PAPPA2: variants seen among roughly 807,000 people sequenced by gnomAD.
PAPPA2 encodes the protein pappalysin-2.
In PAPPA2, 86 loss-of-function variants were observed where a neutral mutation model predicts 176.4. That is an observed-to-expected ratio of 0.49 (90% CI 0.41 to 0.58). The LOEUF (loss-of-function observed/expected upper bound fraction) is 0.58, where lower values mean the gene tolerates loss of function less well. PAPPA2 is among the 20% of genes least tolerant of loss of function. The probability of loss-of-function intolerance (pLI) is 0.00; values close to 1 mark genes in which losing one functional copy is unlikely to be tolerated. For synonymous variants in PAPPA2, 809 were observed against 852.2 expected, an observed-to-expected ratio of 0.95 and a Z score of 0.88; for missense variants, 2,073 against 2,256.9, an observed-to-expected ratio of 0.92 and a Z score of 1.65.
At chr1:176,810,633 C>G (rs1666109147) in intron 21 of PAPPA2, among the ~76,000 whole-genome samples, 1 of 152,146 alleles carries the variant, frequency 6.6e-6, no homozygotes, top group South Asian at 2.1e-4. Context: ...AGGCAGCAGA[C>G]CAGACTGGGG....
At position 176,750,768 on chromosome 1, in the gene PAPPA2, C is replaced by T. The variant is rs185891407; in HGVS notation, c.4151+10572C>T. Reference sequence around the variant, plus strand: ...AATTGAGGAAGAGAAAATACATTTACAATTTATTGAGTGGAAATGGATCAT... The same window carrying T: ...AATTGAGGAAGAGAAAATACATTTATAATTTATTGAGTGGAAATGGATCAT... On this transcript the variant is annotated intron_variant, in intron 14 of 22. Coordinates refer to ENST00000367662, the MANE Select transcript of PAPPA2 (RefSeq NM_020318.3). Among the ~76,000 whole-genome samples, 62 of 152,138 alleles carry T rather than the reference C, an allele frequency of 4.1e-4. No individual in the cohort carries two copies. In the East Asian group the frequency reaches 0.012, roughly 29 times the overall value.
intron 1 of PAPPA2, among the ~76,000 whole-genome samples, chr1:176,552,908 G>T (rs1468158711): frequency 6.6e-6 from 1 of 152,232 alleles, no homozygotes. Flanking sequence ...CTGTGCACTT[G>T]CGGAGTGGCA....
intron 4 of PAPPA2, among the ~76,000 whole-genome samples, chr1:176,683,369 C>A (rs2102793911): frequency 6.6e-6 from 1 of 152,264 alleles, no homozygotes; most frequent in Admixed American, 6.5e-5. Flanking sequence ...ACATGGCCCC[C>A]AGTTGCTAAA....
chr1:176,695,870 A>G lies in PAPPA2; in HGVS notation c.2746+11A>G, dbSNP rs929655373. The G allele has an allele frequency of 9.3e-6, 15 of 1,613,224 alleles. No homozygotes were observed. In the African/African-American group the frequency reaches 9.3e-5, roughly 10 times the overall value. On this transcript the variant is annotated intron_variant, in intron 7 of 22. Coordinates refer to ENST00000367662, the MANE Select transcript of PAPPA2 (RefSeq NM_020318.3). ...CAGAGGAGGCTGTGGGTAAAGTACC[A>G]TGACATTTTTTCTTTATACCCTGGT...
intron 3 of PAPPA2, among the ~76,000 whole-genome samples, chr1:176,603,757 T>C (rs1446383864): frequency 6.6e-6 from 1 of 152,188 alleles, no homozygotes; most frequent in Non-Finnish European, 1.5e-5. Context: ...GGTCCCCATC[T>C]TCACTCATCT....
At chr1:176,710,747 GA>G (rs2102834086) in intron 11 of PAPPA2, among the ~76,000 whole-genome samples, 1 of 152,240 alleles carries the variant, frequency 6.6e-6, no homozygotes, top group African/African-American at 2.4e-5. Context: ...CCCTTTCACA[GA>G]AGTGAGATTT....
intron 15 of PAPPA2, among the ~76,000 whole-genome samples, chr1:176,766,501 A>C (rs1663970593): frequency 6.6e-6 from 1 of 152,210 alleles, no homozygotes; most frequent in Non-Finnish European, 1.5e-5. Context: ...AAAAATAAAC[A>C]AAAGAAATTA....
intron 17 of PAPPA2, among the ~76,000 whole-genome samples, chr1:176,783,447 T>G (rs1231584413): frequency 6.6e-6 from 1 of 152,184 alleles, no homozygotes; most frequent in Non-Finnish European, 1.5e-5. Flanking sequence ...TCAATCAAAC[T>G]TTCAGCCAAG....
At chr1:176,780,688 C>G (rs1434985005) in intron 17 of PAPPA2, among the ~76,000 whole-genome samples, 1 of 151,744 alleles carries the variant, frequency 6.6e-6, no homozygotes, top group Non-Finnish European at 1.5e-5. Flanking sequence ...TATAATATTT[C>G]TATTTGTTTT....
At position 176,800,043 on chromosome 1, in the gene PAPPA2, TC is replaced by T. The variant is rs1385709972; in HGVS notation, c.5131-15del. The T allele has an allele frequency of 1.9e-6, 3 of 1,613,878 alleles. No individual in the cohort carries two copies. In the South Asian group the frequency reaches 3.3e-5, roughly 18 times the overall value. On this transcript the variant is annotated splice_polypyrimidine_tract_variant and intron_variant, in intron 20 of 22. Coordinates refer to ENST00000367662, the MANE Select transcript of PAPPA2 (RefSeq NM_020318.3). ...TGTCTTTAATTTTGTTTTCTGTTTT[TC>T]CCGTCTTTCCCCTTAGAGCATTGTG...
rs1387375215 is a variant in PAPPA2 at position 176,556,958 on chromosome 1, C to G, written c.636C>G (p.Asp212Glu). ...WKRRAEDGQG[D>E]SGISSHFQPW... Reference sequence around the variant, plus strand: ...GGCGGGCGGAAGATGGGCAGGGAGACTCCGGTATCTCTTCACATTTCCAAC... The same window carrying G: ...GGCGGGCGGAAGATGGGCAGGGAGAGTCCGGTATCTCTTCACATTTCCAAC... The change falls in exon 2 of 23, where the codon GAC (aspartate) becomes GAG (glutamate). Residue 212 changes from aspartate to glutamate, a missense_variant. Asp to Glu is a conservative substitution (Grantham distance 45, BLOSUM62 2). Around this residue, in one of 4 missense-constraint regions of PAPPA2, gnomAD observed 1,196 missense variants for 1,330.4 expected, o/e 0.90. Transcript: ENST00000367662. The G allele has an allele frequency of 6.2e-7, 1 of 1,613,936 alleles. No individual in the cohort carries two copies. The highest frequency in any genetic ancestry group is 1.3e-5 in the African/African-American group (1 of 74,872).
intron 12 of PAPPA2, among the ~76,000 whole-genome samples, chr1:176,737,936 G>A (rs1455005213): frequency 6.6e-6 from 1 of 152,126 alleles, no homozygotes; most frequent in Non-Finnish European, 1.5e-5. Context: ...CTTCATGCCT[G>A]AGTCCTAATG....
At chr1:176,792,591 G>A (rs1319852433) in intron 19 of PAPPA2, among the ~76,000 whole-genome samples, 1 of 152,132 alleles carries the variant, frequency 6.6e-6, no homozygotes, top group Non-Finnish European at 1.5e-5. Context: ...TCTTTTGATT[G>A]TTTTAAAAGT....
rs1662593692 is a variant in PAPPA2, at chr1:176,739,859, C to A, written c.3934+98C>A. 5 of 1,567,690 alleles carry A rather than the reference C, an allele frequency of 3.2e-6. No homozygotes were observed. The South Asian group carries it at 5.8e-5, about 18-fold the overall frequency. On this transcript the variant is annotated intron_variant, in intron 13 of 22. Transcript: ENST00000367662. ...GTCTTTTATGTTGTCTGGGATCTTG[C>A]CTACATCATACATCTAGGTTTTGGC...
chr1:176,739,003 G>A (rs550630347), intron 12 of PAPPA2, among the ~76,000 whole-genome samples: 27 of 152,222 alleles, frequency 1.8e-4, no homozygotes, highest in African/African-American at 6.5e-4. Context: ...GCCGGGGACT[G>A]GGTATACATG....
At chr1:176,821,623 C>A (rs892148414) in intron 21 of PAPPA2, among the ~76,000 whole-genome samples, 1 of 152,210 alleles carries the variant, frequency 6.6e-6, no homozygotes, top group Non-Finnish European at 1.5e-5. Context: ...AGCAGCTACA[C>A]AGGGCATGTT....
At chr1:176,782,936 C>A (rs1664784468) in intron 17 of PAPPA2, among the ~76,000 whole-genome samples, 1 of 152,030 alleles carries the variant, frequency 6.6e-6, no homozygotes, top group Non-Finnish European at 1.5e-5. Flanking sequence ...TTCAGAAACA[C>A]CTGGGAGGTA....
intron 11 of PAPPA2, 41 bp downstream of exon 11, chr1:176,710,217 T>C (rs1661083548): frequency 6.4e-7 from 1 of 1,565,668 alleles, no homozygotes; most frequent in Non-Finnish European, 8.7e-7. Context: ...CTGCGCAAAA[T>C]TGTAAAGTGA....
intron 3 of PAPPA2, among the ~76,000 whole-genome samples, chr1:176,664,052 C>A (rs889387264): frequency 6.6e-6 from 1 of 152,092 alleles, no homozygotes; most frequent in Non-Finnish European, 1.5e-5. Flanking sequence ...TAAAACAAAT[C>A]TTTTCATTTG....
Sources: gnomAD v4.1 joint callset for allele counts (sites outside exome capture counted in the v4.1 genomes callset) on GRCh38, gnomAD v4.1.1 for gene constraint, gnomAD v4.1.1 regional missense constraint, MANE v1.5 for transcripts, NCBI Gene and HGNC (gene_info 2026-07-23, HGNC 2026-07-21) for gene names.